Variants in CLIP2 observed in about 807,000 individuals in gnomAD.
The protein encoded by CLIP2 is CAP-Gly domain containing linker protein 2, also known as CAP-Gly domain-containing linker protein 2.
A neutral mutation model predicts 111.7 loss-of-function variants in CLIP2; 41 were observed. The observed-to-expected ratio is 0.37, with a 90% CI of 0.29 to 0.48. The LOEUF (loss-of-function observed/expected upper bound fraction) is 0.48, where lower values mean the gene tolerates loss of function less well. Ranked by LOEUF, CLIP2 falls within the 20% of genes least tolerant of loss-of-function variation. The pLI, the probability that CLIP2 is intolerant of heterozygous loss-of-function variation, is 0.99. For missense variants in CLIP2, 1,160 were observed against 1,422.1 expected, an observed-to-expected ratio of 0.82 and a Z score of 2.96; for synonymous variants, 660 against 644.2, an observed-to-expected ratio of 1.02 and a Z score of -0.37.
chr7:74,387,468 C>T (rs1791146285), intron 12 of CLIP2, among the ~76,000 whole-genome samples: 1 of 152,160 alleles, frequency 6.6e-6, no homozygotes. Flanking sequence ...CCAGGCTGGT[C>T]TCCAACTCCT....
At chr7:74,341,558 G>C (rs977088842) in intron 3 of CLIP2, among the ~76,000 whole-genome samples, 1 of 151,584 alleles carries the variant, frequency 6.6e-6, no homozygotes, top group Non-Finnish European at 1.5e-5. Flanking sequence ...TTTCCTGTCT[G>C]CCCTGCCCTG....
intron 1 of CLIP2, among the ~76,000 whole-genome samples, chr7:74,296,718 G>C (rs1291105479): frequency 1.3e-5 from 2 of 151,006 alleles, no homozygotes; most frequent in African/African-American, 2.4e-5. Flanking sequence ...GAACCCGGGA[G>C]GCAGAGGTTG....
chr7:74,365,514 G>A (rs1389346918), intron 8 of CLIP2, among the ~76,000 whole-genome samples: 4 of 152,184 alleles, frequency 2.6e-5, no homozygotes, highest in African/African-American at 9.6e-5. Context: ...CATTGAGAGA[G>A]GCTCTGATTG....
chr7:74,302,063 G>T (rs1412637463), intron 1 of CLIP2, among the ~76,000 whole-genome samples: 1 of 152,028 alleles, frequency 6.6e-6, no homozygotes, highest in Non-Finnish European at 1.5e-5. Context: ...TTCAGCGTTG[G>T]ACCTTTTTTT....
chr7:74,300,657 C>T (rs1004332695), intron 1 of CLIP2, among the ~76,000 whole-genome samples: 4 of 151,950 alleles, frequency 2.6e-5, no homozygotes, highest in East Asian at 1.9e-4. Context: ...GGGTTTTCAC[C>T]GTGTTAGCCA....
intron 3 of CLIP2, among the ~76,000 whole-genome samples, chr7:74,353,432 G>A (rs1356560437): frequency 1.3e-5 from 2 of 152,058 alleles, no homozygotes; most frequent in Non-Finnish European, 2.9e-5. Context: ...TGTATTTATA[G>A]TAGAGACGGA....
At chr7:74,350,209 G>A (rs913800154) in intron 3 of CLIP2, among the ~76,000 whole-genome samples, 5 of 151,714 alleles carry the variant, frequency 3.3e-5, no homozygotes, top group African/African-American at 7.3e-5. Flanking sequence ...CCACCACCAC[G>A]CCCAGCTAAT....
At chr7:74,379,432 A>G (rs527694653) in intron 10 of CLIP2, among the ~76,000 whole-genome samples, 11 of 152,034 alleles carry the variant, frequency 7.2e-5, no homozygotes, top group Admixed American at 2.6e-4. Flanking sequence ...GCACAACTGG[A>G]CTTTTGGTCT....
intron 2 of CLIP2, among the ~76,000 whole-genome samples, chr7:74,321,360 G>A (rs925454958): frequency 6.6e-5 from 10 of 152,108 alleles, no homozygotes; most frequent in South Asian, 4.1e-4. Flanking sequence ...CATGTTTATC[G>A]TGGTCCCACA....
intron 1 of CLIP2, among the ~76,000 whole-genome samples, chr7:74,293,367 G>A (rs1223446440): frequency 5.3e-5 from 8 of 152,050 alleles, no homozygotes; most frequent in East Asian, 3.9e-4. Context: ...CATCTGTCCC[G>A]TCTCCTTCTC....
At chr7:74,379,847 C>T (rs190509091) in intron 10 of CLIP2, among the ~76,000 whole-genome samples, 3 of 151,220 alleles carry the variant, frequency 2.0e-5, no homozygotes, top group East Asian at 2.0e-4. Flanking sequence ...CTCGGGAGGC[C>T]GAGGCAGGAG....
At chr7:74,347,520 G>A (rs184053001) in intron 3 of CLIP2, among the ~76,000 whole-genome samples, 1 of 152,036 alleles carries the variant, frequency 6.6e-6, no homozygotes, top group African/African-American at 2.4e-5. Context: ...TGCCCGCCTC[G>A]GCCTCCCAAA....
At chr7:74,383,396 T>C (rs1379742762) in intron 11 of CLIP2, among the ~76,000 whole-genome samples, 1 of 152,220 alleles carries the variant, frequency 6.6e-6, no homozygotes, top group Non-Finnish European at 1.5e-5. Context: ...AATGACTTGT[T>C]ATTCTCTTCA....
At chr7:74,306,557 G>GC (rs144181776) in intron 1 of CLIP2, among the ~76,000 whole-genome samples, 1,588 of 152,308 alleles carry the variant, frequency 0.01, 11 homozygotes, top group Non-Finnish European at 0.016. Context: ...CTCCGCCGGG[G>GC]CCCTGATTGG....
At chr7:74,347,389 C>T (rs1456850290) in intron 3 of CLIP2, among the ~76,000 whole-genome samples, 2 of 152,192 alleles carry the variant, frequency 1.3e-5, no homozygotes, top group Non-Finnish European at 2.9e-5. Context: ...CTGCCTCAGC[C>T]TCCCGGGTAG....
chr7:74,390,217 G>GA (rs1204475300), intron 13 of CLIP2, among the ~76,000 whole-genome samples: 4 of 86,530 alleles, frequency 4.6e-5, no homozygotes, highest in Non-Finnish European at 1.1e-4. Context: ...AAGAAAGAAA[G>GA]AAAGAAAGGA....
chr7:74,333,355 G>T (rs1554731633), intron 2 of CLIP2, among the ~76,000 whole-genome samples: 5 of 151,132 alleles, frequency 3.3e-5, no homozygotes, highest in African/African-American at 1.2e-4. Flanking sequence ...AGCTAATTAT[G>T]GTATTTTTAG....
rs369460780 is a variant in CLIP2 at position 74,350,991 on chromosome 7, GAGA to G, written c.679-2883_679-2881del. ...GAAGGAAAGGAAGGAAGGGAAGGAAGAGAAGAAGGAGAGAAAGAAAGAAGGAAG... is the reference window on the plus strand; with the variant it reads ...GAAGGAAAGGAAGGAAGGGAAGGAAGAGAAGGAGAGAAAGAAAGAAGGAAG... On this transcript the variant is annotated intron_variant, in intron 3 of 16. Coordinates refer to ENST00000223398, the MANE Select transcript of CLIP2 (RefSeq NM_003388.5). Among the ~76,000 whole-genome samples, 109 of 81,452 alleles carry G rather than the reference GAGA, an allele frequency of 1.3e-3. 2 individuals are homozygous for G. Among genetic ancestry groups the G allele is most frequent in the African/African-American group, 2.9e-3 (82 of 28,700 alleles). 53.4% of individuals were successfully genotyped at this position (81,452 alleles called of 152,430 possible).
rs1250279937 is a variant in CLIP2, at chr7:74,331,034, G to A, written c.122-7414G>A. Among the ~76,000 whole-genome samples, 3 of 151,238 alleles carry A rather than the reference G, an allele frequency of 2.0e-5. No homozygotes were observed. In the South Asian group the frequency reaches 6.3e-4, roughly 32 times the overall value. ...AGCCTGGCCAAAATGGCAAAACCCC[G>A]TCTCTACCAAAAATACAAAAAATTA... On this transcript the variant is annotated intron_variant, in intron 2 of 16. Transcript: ENST00000223398.
Sources: allele counts gnomAD v4.1 joint callset (sites outside exome capture counted in the v4.1 genomes callset), GRCh38; gene constraint gnomAD v4.1.1; transcripts MANE v1.5; gene names NCBI Gene and HGNC (gene_info 2026-07-23, HGNC 2026-07-21).